The following GRIN2B variants were observed in gnomAD, a reference collection of about 807,000 sequenced individuals.
GRIN2B encodes glutamate receptor ionotropic, NMDA 2B.
In GRIN2B, 5 loss-of-function variants were observed where a neutral mutation model predicts 114.5. The observed-to-expected ratio is 0.04, with a 90% CI of 0.02 to 0.09. The LOEUF (loss-of-function observed/expected upper bound fraction) is 0.09, where lower values mean the gene tolerates loss of function less well. Ranked by LOEUF, GRIN2B falls within the 10% of genes least tolerant of loss-of-function variation. GRIN2B has a pLI of 1.00. For missense variants in GRIN2B, 1,108 were observed against 1,943.5 expected (o/e 0.57, Z 8.08); for synonymous variants, 787 against 745.1 (o/e 1.06, Z -0.92).
In GRIN2B at chr12:13,572,522, C is replaced by T. The variant is rs78569265; in HGVS notation, c.2011-558G>A. On this transcript the variant is annotated intron_variant, in intron 10 of 13. Coordinates refer to ENST00000609686, the MANE Select transcript of GRIN2B (RefSeq NM_000834.5). Reference sequence around the variant, plus strand: ...GATGCACTGAAAGCTCATATTTATCCCACATGAGTTGTAGGATAAACTGTA... The same window carrying T: ...GATGCACTGAAAGCTCATATTTATCTCACATGAGTTGTAGGATAAACTGTA... 2.1e-3 allele frequency among the ~76,000 whole-genome samples: 314 copies of T among 152,190 alleles called. 2 individuals carry two copies. The highest frequency in any genetic ancestry group is 7.3e-3 in the African/African-American group (304 of 41,516).
intron 4 of GRIN2B, among the ~76,000 whole-genome samples, chr12:13,679,808 A>G (rs1479079947): frequency 3.3e-5 from 5 of 152,168 alleles, no homozygotes; most frequent in African/African-American, 4.8e-5. Context: ...GGGTGTGGTC[A>G]CTTCTAGACA....
At chr12:13,807,797 A>T (rs1204997621) in intron 3 of GRIN2B, among the ~76,000 whole-genome samples, 2 of 149,242 alleles carry the variant, frequency 1.3e-5, no homozygotes, top group African/African-American at 4.9e-5. Context: ...AAGGGCACCA[A>T]GTCAAGGACT....
chr12:13,808,743 TAA>T (rs61197260), intron 3 of GRIN2B, among the ~76,000 whole-genome samples: 24,640 of 114,954 alleles, frequency 0.21, 3,040 homozygotes, highest in East Asian at 0.54. Flanking sequence ...TAAAGTATAA[TAA>T]AAAAAAAATA....
chr12:13,812,143 C>G (rs1356531225), intron 3 of GRIN2B, among the ~76,000 whole-genome samples: 1 of 152,114 alleles, frequency 6.6e-6, no homozygotes, highest in Non-Finnish European at 1.5e-5. Flanking sequence ...ATCAACCCCT[C>G]CAACCTCCAT....
chr12:13,575,670 C>CAATAATAATAATAAT (rs574433534), intron 10 of GRIN2B, among the ~76,000 whole-genome samples: 119 of 129,858 alleles, frequency 9.2e-4, no homozygotes, highest in East Asian at 5.1e-3. Context: ...AAAATGATAA[C>CAATAATAATAATAAT]AACAATAATA....
intron 2 of GRIN2B, among the ~76,000 whole-genome samples, chr12:13,902,174 TGGTAAAGCAATTTTTCCCATCG>T (rs1866463065): frequency 6.6e-6 from 1 of 152,202 alleles, no homozygotes; most frequent in Non-Finnish European, 1.5e-5. Flanking sequence ...TCTTGATATC[TGGTAAAGCAATTTTTCCCATCG>T]TATTCTTTCT....
intron 4 of GRIN2B, among the ~76,000 whole-genome samples, chr12:13,711,286 C>T (rs1387642486): frequency 6.6e-6 from 1 of 151,912 alleles, no homozygotes; most frequent in Non-Finnish European, 1.5e-5. Context: ...TAGAAGAAAA[C>T]CTAGGCAATA....
chr12:13,656,880 G>A (rs909611797), intron 5 of GRIN2B, among the ~76,000 whole-genome samples: 1 of 152,178 alleles, frequency 6.6e-6, no homozygotes, highest in Non-Finnish European at 1.5e-5. Flanking sequence ...AGATATGGAT[G>A]GAAACCGAAG....
Position 13,562,847 on chromosome 12 carries a change from G to T in GRIN2B, c.4391C>A (p.Ala1464Asp). The T allele has an allele frequency of 6.2e-7, 1 of 1,614,064 alleles. No homozygotes were observed. Among genetic ancestry groups the T allele is most frequent in the African/African-American group, 1.3e-5 (1 of 75,046 alleles). The change falls in exon 14 of 14, where the codon GCT becomes GAT. Residue 1464 changes from alanine to aspartate, a missense_variant. By Grantham distance (126) the Ala-to-Asp change is moderately radical (BLOSUM62 -2). This residue lies in a region of GRIN2B where 478 missense variants were observed against 506.0 expected (regional missense o/e 0.94). Transcript: ENST00000609686. Reference sequence around the variant, plus strand: ...ATGCCCATTGCTGGAGCCATTGAAAGCCCTGGGGTTTTTGTTGTTAGGCAC... The same window carrying T: ...ATGCCCATTGCTGGAGCCATTGAAATCCCTGGGGTTTTTGTTGTTAGGCAC... Reference protein sequence around the residue: ...PCVPNNKNPRAFNGSSNGHVY... With the variant: ...PCVPNNKNPRDFNGSSNGHVY...
rs578033608 is a variant in GRIN2B at position 13,927,869 on chromosome 12, A to G, written c.-19+52059T>C. On this transcript the variant is annotated intron_variant, in intron 2 of 13. Transcript: ENST00000609686. The stretch of plus-strand genomic sequence containing the variant: ...GTAGCCCCAGCTATTCAGGAGGCTG[A>G]GGTGGGAGGATCACTTGAGCCCGGG... Among the ~76,000 whole-genome samples, 60 of 147,356 alleles carry G rather than the reference A, an allele frequency of 4.1e-4. 1 individual carries two copies. Among genetic ancestry groups the G allele is most frequent in the Non-Finnish European group, 7.7e-4 (52 of 67,212 alleles).
intron 5 of GRIN2B, among the ~76,000 whole-genome samples, chr12:13,621,155 A>C (rs187947233): frequency 6.6e-6 from 1 of 152,290 alleles, no homozygotes; most frequent in East Asian, 1.9e-4. Flanking sequence ...CAAGGGGGAG[A>C]AAGTATGGTG....
intron 10 of GRIN2B, among the ~76,000 whole-genome samples, chr12:13,597,415 C>G (rs1489479216): frequency 1.3e-5 from 2 of 152,218 alleles, no homozygotes; most frequent in African/African-American, 4.8e-5. Flanking sequence ...GGATCAAAGG[C>G]TATTCTCCCT....
intron 4 of GRIN2B, among the ~76,000 whole-genome samples, chr12:13,678,790 A>G (rs1260296527): frequency 2.6e-5 from 4 of 152,144 alleles, no homozygotes; most frequent in Non-Finnish European, 4.4e-5. Flanking sequence ...TGCATAGAAT[A>G]TAATTACAAA....
Position 13,552,459 on chromosome 12 carries a change from T to C in GRIN2B, c.*10324A>G, listed in dbSNP as rs908863399. On this transcript the variant is annotated 3_prime_UTR_variant, in exon 14 of 14. Transcript: ENST00000609686. ...AAAGGAAGCTCCAGTGTAGACTTCC[T>C]GTTCTTTTCCTTCCTCATATCCTCC... The C allele has an allele frequency of 4.6e-5, 7 of 152,128 alleles. No homozygotes were observed. Among genetic ancestry groups the C allele is most frequent in the East Asian group, 1.9e-4 (1 of 5,196 alleles). The allele number at this position is 152,128 out of a possible 1,614,324, so 9.4% of individuals were successfully genotyped here. A position where few individuals can be genotyped will look rare whatever the true frequency, so the allele number is the denominator to read the frequency against.
intron 5 of GRIN2B, among the ~76,000 whole-genome samples, chr12:13,624,981 C>T (rs1288345426): frequency 6.6e-6 from 1 of 152,184 alleles, no homozygotes; most frequent in African/African-American, 2.4e-5. Context: ...GTTGTTGATT[C>T]TCTCAGCACC....
At chr12:13,734,099 G>A (rs1863139986) in intron 4 of GRIN2B, among the ~76,000 whole-genome samples, 1 of 152,208 alleles carries the variant, frequency 6.6e-6, no homozygotes, top group Non-Finnish European at 1.5e-5. Flanking sequence ...ATCTAGGGAT[G>A]ATAATTTCCA....
intron 3 of GRIN2B, among the ~76,000 whole-genome samples, chr12:13,854,979 G>A (rs1865632904): frequency 6.7e-6 from 1 of 148,990 alleles, no homozygotes; most frequent in African/African-American, 2.5e-5. Context: ...GGAAGGCCAA[G>A]GTGGGTGGAC....
At position 13,541,431 on chromosome 12, in the gene GRIN2B, T is replaced by C. The variant is rs983690771; in HGVS notation, c.*21352A>G. The C allele has an allele frequency of 1.3e-5, 2 of 152,174 alleles. No homozygotes were observed. Among genetic ancestry groups the C allele is most frequent in the Admixed American group, 6.5e-5 (1 of 15,274 alleles). The allele number at this position is 152,174 out of a possible 1,614,324, so 9.4% of individuals were successfully genotyped here. ...GGCAGGGTAAATGGAAGTCACATTG[T>C]TTTCTGCACATCTTCCAAAGAGTGG... On this transcript the variant is annotated 3_prime_UTR_variant, in exon 14 of 14. Transcript: ENST00000609686.
chr12:13,687,087 G>A (rs1950179345), intron 4 of GRIN2B, among the ~76,000 whole-genome samples: 1 of 152,054 alleles, frequency 6.6e-6, no homozygotes, highest in South Asian at 2.1e-4. Flanking sequence ...GCCCCCATCA[G>A]AGGCAGATGC....
Sources: allele counts gnomAD v4.1 joint callset (sites outside exome capture counted in the v4.1 genomes callset), GRCh38; gene constraint gnomAD v4.1.1; regional missense constraint gnomAD v4.1.1; transcripts MANE v1.5; gene names NCBI Gene and HGNC (gene_info 2026-07-23, HGNC 2026-07-21).